Variants in PPP2R2B observed in about 807,000 individuals in gnomAD.
The protein encoded by PPP2R2B is serine/threonine-protein phosphatase 2A 55 kDa regulatory subunit B beta isoform.
Under a neutral mutation model 46.0 loss-of-function variants are expected in PPP2R2B, and 5 were observed. That is an observed-to-expected ratio of 0.11 (90% confidence interval 0.06 to 0.23). The LOEUF (loss-of-function observed/expected upper bound fraction) is 0.23. Ranked by LOEUF, PPP2R2B falls within the 10% of genes least tolerant of loss-of-function variation. The pLI is 1.00. For missense variants in PPP2R2B, 367 were observed against 575.0 expected (o/e 0.64, Z 3.70); for synonymous variants, 215 against 206.7 (o/e 1.04, Z -0.34).
At chr5:146,682,846 T>C (rs997748527) in intron 5 of PPP2R2B, among the ~76,000 whole-genome samples, 3 of 152,178 alleles carry the variant, frequency 2.0e-5, no homozygotes, top group African/African-American at 7.2e-5. Context: ...AATCACTCTC[T>C]TAGTGTAAAG....
chr5:146,871,163 G>A (rs990750839), intron 2 of PPP2R2B, among the ~76,000 whole-genome samples: 7 of 152,202 alleles, frequency 4.6e-5, no homozygotes, highest in African/African-American at 7.2e-5. Flanking sequence ...AAGCAAAATC[G>A]TCTTCTTATT....
intron 5 of PPP2R2B, among the ~76,000 whole-genome samples, chr5:146,664,358 T>C (rs184447229): frequency 3.9e-4 from 59 of 152,256 alleles, no homozygotes; most frequent in Admixed American, 3.2e-3. Flanking sequence ...AAATCCTTTG[T>C]TGTCATTTCA....
chr5:146,766,594 C>T (rs563147566), intron 2 of PPP2R2B, among the ~76,000 whole-genome samples: 12 of 152,296 alleles, frequency 7.9e-5, no homozygotes, highest in African/African-American at 2.6e-4. Context: ...TTTCACTAAT[C>T]CTTGTAAGTA....
intron 1 of PPP2R2B, among the ~76,000 whole-genome samples, chr5:146,954,128 CT>C (rs3062371): frequency 0.21 from 30,643 of 143,764 alleles, 3,416 homozygotes; most frequent in East Asian, 0.39. Flanking sequence ...TACCAAGAGA[CT>C]TTTTTTTTTT....
intron 1 of PPP2R2B, among the ~76,000 whole-genome samples, chr5:146,990,225 A>G (rs984268721): frequency 1.3e-5 from 2 of 151,836 alleles, no homozygotes; most frequent in Non-Finnish European, 2.9e-5. Flanking sequence ...TAAATAGAAA[A>G]ACAATCTTAA....
Position 146,589,761 on chromosome 5 carries a change from T to C in PPP2R2B, c.*186A>G. 1.6e-6 allele frequency: 1 copy of C among 626,232 alleles called. No homozygotes were observed. The highest frequency in any genetic ancestry group is 2.7e-6 in the Non-Finnish European group (1 of 364,638). 38.8% of individuals were successfully genotyped at this position (626,232 alleles called of 1,614,324 possible). On this transcript the variant is annotated 3_prime_UTR_variant, in exon 10 of 10. Coordinates refer to ENST00000394411, the MANE Select transcript of PPP2R2B (RefSeq NM_181675.4). ...TCTAAACAGAAGTGTCCCAAACCTA[T>C]TGGGTTTGACAAAAGTTTCTTAGAA...
chr5:146,903,046 C>T (rs1762885630), intron 1 of PPP2R2B, among the ~76,000 whole-genome samples: 1 of 152,164 alleles, frequency 6.6e-6, no homozygotes, highest in Non-Finnish European at 1.5e-5. Flanking sequence ...TTACAACAGA[C>T]TGCAGAAGCA....
intron 2 of PPP2R2B, among the ~76,000 whole-genome samples, chr5:147,064,754 A>C (rs1329735862): frequency 6.6e-6 from 1 of 152,232 alleles, no homozygotes. Context: ...GGTCTTACCT[A>C]GCTCTTTAGG....
chr5:146,831,540 G>A (rs1166132895), intron 2 of PPP2R2B, among the ~76,000 whole-genome samples: 1 of 144,966 alleles, frequency 6.9e-6, no homozygotes, highest in Admixed American at 6.9e-5. Context: ...GGGTTGATAG[G>A]TACAGCAAAC....
At chr5:146,657,717 C>G (rs78247062) in intron 5 of PPP2R2B, among the ~76,000 whole-genome samples, 2 of 152,058 alleles carry the variant, frequency 1.3e-5, no homozygotes, top group African/African-American at 2.4e-5. Context: ...AATCAAGGCC[C>G]CATAGACGAC....
intron 2 of PPP2R2B, among the ~76,000 whole-genome samples, chr5:146,846,174 G>A (rs1005142716): frequency 1.9e-4 from 29 of 149,474 alleles, no homozygotes; most frequent in African/African-American, 7.2e-4. Flanking sequence ...GAGCCCAGGA[G>A]TTCGTGACCA....
chr5:146,682,966 T>A (rs1240833008), intron 5 of PPP2R2B, among the ~76,000 whole-genome samples: 1 of 152,128 alleles, frequency 6.6e-6, no homozygotes, highest in Admixed American at 6.5e-5. Flanking sequence ...AATCTGAGAA[T>A]CTCTACTTTT....
chr5:147,077,699 A>T (rs1757830998), intron 2 of PPP2R2B, among the ~76,000 whole-genome samples: 1 of 152,168 alleles, frequency 6.6e-6, no homozygotes, highest in South Asian at 2.1e-4. Context: ...CCTCCATGCC[A>T]GTGGCTGTGT....
rs149436486 is a variant in PPP2R2B at position 146,590,514 on chromosome 5, C to CTTCT, written c.1053-292_1053-289dup. ...GCTTTTGCTCAATAGATTCTTTTTG[C>CTTCT]TTCTTTGGCTCAGAAAAGGTGTCCA... On this transcript the variant is annotated intron_variant, in intron 9 of 9. Coordinates refer to ENST00000394411, the MANE Select transcript of PPP2R2B (RefSeq NM_181675.4). Among the ~76,000 whole-genome samples the CTTCT allele has an allele frequency of 6.8e-3, 1,012 of 148,254 alleles. 15 individuals are homozygous for CTTCT. Among genetic ancestry groups the CTTCT allele is most frequent in the African/African-American group, 0.023 (931 of 40,164 alleles).
intron 2 of PPP2R2B, among the ~76,000 whole-genome samples, chr5:146,709,832 G>T (rs549774963): frequency 1.3e-5 from 2 of 152,286 alleles, no homozygotes; most frequent in East Asian, 3.9e-4. Context: ...AAACCCTGTG[G>T]TTTAAGCTAC....
At chr5:146,783,709 G>A (rs1042685518) in intron 2 of PPP2R2B, among the ~76,000 whole-genome samples, 5 of 152,170 alleles carry the variant, frequency 3.3e-5, no homozygotes, top group Non-Finnish European at 4.4e-5. Context: ...TGCAGACAAC[G>A]CATTTGTAAG....
chr5:146,770,559 A>G (rs1276641787), intron 2 of PPP2R2B, among the ~76,000 whole-genome samples: 1 of 152,192 alleles, frequency 6.6e-6, no homozygotes, highest in Non-Finnish European at 1.5e-5. Flanking sequence ...AGGTGTTATG[A>G]TAACAGGTAA....
At chr5:146,665,293 T>A (rs532047930) in intron 5 of PPP2R2B, among the ~76,000 whole-genome samples, 1 of 152,344 alleles carries the variant, frequency 6.6e-6, no homozygotes, top group Admixed American at 6.5e-5. Flanking sequence ...CCGCCACCCA[T>A]GATCTTAGCT....
chr5:146,604,883 A>C (rs1250174343), intron 7 of PPP2R2B, among the ~76,000 whole-genome samples: 1 of 152,114 alleles, frequency 6.6e-6, no homozygotes, highest in Non-Finnish European at 1.5e-5. Context: ...TTCCCTGTTC[A>C]AACAAGTCAA....
Sources: allele counts gnomAD v4.1 joint callset (sites outside exome capture counted in the v4.1 genomes callset), GRCh38; gene constraint gnomAD v4.1.1; transcripts MANE v1.5; gene names NCBI Gene and HGNC (gene_info 2026-07-23, HGNC 2026-07-21).